Variants in NRCAM observed in about 807,000 individuals in gnomAD.
NRCAM encodes the protein neuronal cell adhesion molecule, also known as NgCAM-related cell adhesion molecule.
A neutral mutation model predicts 156.5 loss-of-function variants in NRCAM; 83 were observed. That is an observed-to-expected ratio of 0.53 (90% CI 0.44 to 0.64). The LOEUF (loss-of-function observed/expected upper bound fraction) is 0.64. NRCAM is among the 30% of genes least tolerant of loss of function. The pLI, the probability that NRCAM is intolerant of heterozygous loss-of-function variation, is 0.00. For missense variants in NRCAM, 1,417 were observed against 1,597.3 expected (o/e 0.89, Z 1.92); for synonymous variants, 538 against 563.9 (o/e 0.95, Z 0.65).
intron 31 of NRCAM, 29 bp downstream of exon 31, chr7:108,160,331 TA>T: frequency 6.3e-7 from 1 of 1,596,044 alleles, no homozygotes; most frequent in Non-Finnish European, 8.6e-7. Flanking sequence ...TATGTAGCAT[TA>T]TAAAGCAATT....
At chr7:108,426,968 T>C (rs1818083223) in intron 1 of NRCAM, among the ~76,000 whole-genome samples, 1 of 152,210 alleles carries the variant, frequency 6.6e-6, no homozygotes, top group Non-Finnish European at 1.5e-5. Context: ...AACTTTTGAC[T>C]AAGGAAGTTT....
intron 11 of NRCAM, among the ~76,000 whole-genome samples, chr7:108,218,308 G>T (rs577403995): frequency 3.8e-4 from 58 of 152,196 alleles, no homozygotes; most frequent in African/African-American, 1.3e-3. Flanking sequence ...TACCTCAGCT[G>T]GGAATGCAGA....
intron 2 of NRCAM, among the ~76,000 whole-genome samples, chr7:108,380,666 C>T (rs1690429098): frequency 6.6e-6 from 1 of 152,008 alleles, no homozygotes; most frequent in South Asian, 2.1e-4. Context: ...GTCTAGTTTT[C>T]TTGTGTGATT....
At chr7:108,155,087 C>CATATATATATATATATAT (rs148453642) in intron 32 of NRCAM, among the ~76,000 whole-genome samples, 5 of 114,068 alleles carry the variant, frequency 4.4e-5, no homozygotes, top group Non-Finnish European at 7.2e-5. Context: ...ATTTAAAAGT[C>CATATATATATATATATAT]ATATATATAT....
intron 11 of NRCAM, among the ~76,000 whole-genome samples, chr7:108,216,712 A>G (rs1438672479): frequency 1.3e-5 from 2 of 152,116 alleles, no homozygotes; most frequent in East Asian, 1.9e-4. Flanking sequence ...TTCAGCTATC[A>G]ATACTTGTGT....
intron 2 of NRCAM, among the ~76,000 whole-genome samples, chr7:108,384,211 T>C (rs2099724548): frequency 6.6e-6 from 1 of 152,136 alleles, no homozygotes; most frequent in South Asian, 2.1e-4. Context: ...TTTACCTATG[T>C]AACAAACCTT....
intron 1 of NRCAM, among the ~76,000 whole-genome samples, chr7:108,406,523 T>A (rs998037320): frequency 2.6e-5 from 4 of 152,230 alleles, no homozygotes; most frequent in African/African-American, 9.6e-5. Context: ...TCTCCTTCCA[T>A]GTTGGAGAGA....
chr7:108,328,526 C>T (rs2099093739), intron 2 of NRCAM: 1 of 152,162 alleles, frequency 6.6e-6, no homozygotes, highest in South Asian at 2.1e-4. Context: ...AAAGCACTGG[C>T]AATTGAACCC....
intron 20 of NRCAM, among the ~76,000 whole-genome samples, chr7:108,187,367 C>T (rs759212300): frequency 6.6e-6 from 1 of 152,180 alleles, no homozygotes; most frequent in East Asian, 1.9e-4. Flanking sequence ...CAGACATGCC[C>T]TGTCTTAGGG....
At chr7:108,350,036 T>C (rs948831148) in intron 2 of NRCAM, among the ~76,000 whole-genome samples, 16 of 152,328 alleles carry the variant, frequency 1.1e-4, no homozygotes, top group Non-Finnish European at 2.4e-4. Flanking sequence ...CCTGAATCTA[T>C]CAAATTCTCT....
intron 2 of NRCAM, among the ~76,000 whole-genome samples, chr7:108,391,458 C>T (rs2099759561): frequency 6.6e-6 from 1 of 151,854 alleles, no homozygotes; most frequent in African/African-American, 2.4e-5. Flanking sequence ...TATTTTGAGC[C>T]TATGTGTGTC....
intron 3 of NRCAM, among the ~76,000 whole-genome samples, chr7:108,250,767 T>C (rs965896787): frequency 6.6e-6 from 1 of 152,166 alleles, no homozygotes; most frequent in African/African-American, 2.4e-5. Flanking sequence ...AATTGGATTG[T>C]CTGTAACACA....
chr7:108,217,881 AG>A (rs1382487519), intron 11 of NRCAM, among the ~76,000 whole-genome samples: 1 of 152,182 alleles, frequency 6.6e-6, no homozygotes, highest in Non-Finnish European at 1.5e-5. Flanking sequence ...CCGCTGAGCT[AG>A]ATCACTTGGC....
intron 3 of NRCAM, among the ~76,000 whole-genome samples, chr7:108,255,448 G>A (rs1435131929): frequency 3.3e-5 from 5 of 152,122 alleles, no homozygotes; most frequent in African/African-American, 7.2e-5. Context: ...GATTGCAGAC[G>A]GAGTCTCGCT....
chr7:108,444,302 C>G (rs1842066292), intron 1 of NRCAM, among the ~76,000 whole-genome samples: 1 of 151,898 alleles, frequency 6.6e-6, no homozygotes, highest in African/African-American at 2.4e-5. Context: ...AACCAATCTT[C>G]CTTGGATACT....
intron 3 of NRCAM, among the ~76,000 whole-genome samples, chr7:108,253,279 G>A (rs1225029950): frequency 6.6e-6 from 1 of 152,204 alleles, no homozygotes; most frequent in Admixed American, 6.5e-5. Flanking sequence ...GCAAAACAAT[G>A]TGGTAAGTGC....
intron 2 of NRCAM, among the ~76,000 whole-genome samples, chr7:108,341,599 G>A (rs1301747991): frequency 2.6e-5 from 4 of 152,156 alleles, no homozygotes; most frequent in African/African-American, 9.7e-5. Context: ...CCTTGCTTGA[G>A]GAAGGAATTA....
At chr7:108,364,196 G>A (rs968542073) in intron 2 of NRCAM, among the ~76,000 whole-genome samples, 1 of 152,122 alleles carries the variant, frequency 6.6e-6, no homozygotes, top group Non-Finnish European at 1.5e-5. Context: ...ATGGGCAAAG[G>A]ATTTGAACAG....
At position 108,237,779 on chromosome 7, in the gene NRCAM, C is replaced by A; in HGVS notation, c.107-10G>T. The A allele has an allele frequency of 1.9e-6, 3 of 1,590,264 alleles. No homozygotes were observed. Among genetic ancestry groups the A allele is most frequent in the South Asian group, 2.3e-5 (2 of 85,528 alleles). On this transcript the variant is annotated splice_polypyrimidine_tract_variant and intron_variant, in intron 4 of 32. Transcript: ENST00000379028. Reference sequence around the variant, plus strand: ...TCTTCAAGAAGTTTTGCTTTTTCCCCATCAATATCAGCAGGTAAGTGGGCA... The same window carrying A: ...TCTTCAAGAAGTTTTGCTTTTTCCCAATCAATATCAGCAGGTAAGTGGGCA...
Sources: gnomAD v4.1 joint callset for allele counts (sites outside exome capture counted in the v4.1 genomes callset) on GRCh38, gnomAD v4.1.1 for gene constraint, MANE v1.5 for transcripts, NCBI Gene and HGNC (gene_info 2026-07-23, HGNC 2026-07-21) for gene names.